RBFOX1: variants seen among roughly 807,000 people sequenced by gnomAD.
RBFOX1 encodes RNA binding protein fox-1 homolog 1.
A neutral mutation model predicts 57.7 loss-of-function variants in RBFOX1; 8 were observed. The ratio of observed to expected loss-of-function variants is 0.14; its 90% CI spans 0.08 to 0.25. RBFOX1 has a LOEUF of 0.25. Ranked by LOEUF, RBFOX1 falls within the 10% of genes least tolerant of loss-of-function variation. The pLI is 1.00. For synonymous variants in RBFOX1, 326 were observed against 222.4 expected, an observed-to-expected ratio of 1.47 and a Z score of -4.15; for missense variants, 611 against 548.5, an observed-to-expected ratio of 1.11 and a Z score of -1.14.
chr16:6,669,237 A>C (rs747814444), intron 3 of RBFOX1, among the ~76,000 whole-genome samples: 1 of 152,332 alleles, frequency 6.6e-6, no homozygotes, highest in African/African-American at 2.4e-5. Context: ...ACAGAATTCA[A>C]GGGTGGGGTG....
intron 4 of RBFOX1, among the ~76,000 whole-genome samples, chr16:7,198,460 A>G (rs1234541381): frequency 6.6e-6 from 1 of 152,244 alleles, no homozygotes; most frequent in Non-Finnish European, 1.5e-5. Flanking sequence ...TCCATTGCAA[A>G]AGAGATAAAA....
intron 15 of RBFOX1, chr16:7,710,055 CAT>C (rs1417070437): frequency 1.0e-6 from 1 of 1,001,504 alleles, no homozygotes; most frequent in Non-Finnish European, 1.2e-6. Flanking sequence ...GAAGCTCAGT[CAT>C]AGAAATTCAG....
chr16:6,533,872 G>C (rs1410972277), intron 2 of RBFOX1, among the ~76,000 whole-genome samples: 1 of 152,026 alleles, frequency 6.6e-6, no homozygotes, highest in Non-Finnish European at 1.5e-5. Flanking sequence ...AGAGAAGTTT[G>C]ACAGACTTCC....
At chr16:6,616,129 T>C (rs181031268) in intron 2 of RBFOX1, among the ~76,000 whole-genome samples, 74 of 152,328 alleles carry the variant, frequency 4.9e-4, no homozygotes, top group African/African-American at 1.7e-3. Context: ...TTATAGGAAG[T>C]GTCAGGCCTT....
chr16:5,856,284 TACAC>T (rs57736862), intron 3 of RBFOX1, among the ~76,000 whole-genome samples: 9,760 of 86,208 alleles, frequency 0.11, 1,452 homozygotes, highest in Middle Eastern at 0.2. Flanking sequence ...CACATATATA[TACAC>T]ACACACACAC....
At chr16:5,240,126 G>A (rs1465726131) in intron 1 of RBFOX1, 9 of 1,459,598 alleles carry the variant, frequency 6.2e-6, no homozygotes, top group Non-Finnish European at 8.3e-6. Flanking sequence ...CGGGCGCGGG[G>A]GTCCGGGGGT....
intron 4 of RBFOX1, among the ~76,000 whole-genome samples, chr16:7,280,915 C>T (rs2095527746): frequency 1.3e-5 from 2 of 151,410 alleles, no homozygotes; most frequent in African/African-American, 2.4e-5. Context: ...ATGGCAGCTA[C>T]TCTGGGCCTC....
intron 3 of RBFOX1, among the ~76,000 whole-genome samples, chr16:5,848,197 C>G (rs1239873056): frequency 1.3e-5 from 2 of 152,138 alleles, no homozygotes; most frequent in African/African-American, 2.4e-5. Flanking sequence ...CCTGACACCA[C>G]TAGACTATAT....
intron 4 of RBFOX1, among the ~76,000 whole-genome samples, chr16:7,435,934 G>T (rs1335189598): frequency 6.6e-6 from 1 of 152,184 alleles, no homozygotes; most frequent in Non-Finnish European, 1.5e-5. Context: ...GTTGAAGTAC[G>T]TCAACATTAC....
chr16:7,282,727 C>G (rs930329822), intron 4 of RBFOX1, among the ~76,000 whole-genome samples: 4 of 152,160 alleles, frequency 2.6e-5, no homozygotes, highest in African/African-American at 9.7e-5. Flanking sequence ...TACCCCTCAC[C>G]TCCTTCCCAC....
At chr16:7,474,298 AAAAC>A (rs375402876) in intron 4 of RBFOX1, among the ~76,000 whole-genome samples, 173 of 152,288 alleles carry the variant, frequency 1.1e-3, no homozygotes, top group East Asian at 2.7e-3. Context: ...TGAAAAACAG[AAAAC>A]AAACAAACAA....
At chr16:6,892,841 G>A (rs1278028656) in intron 3 of RBFOX1, among the ~76,000 whole-genome samples, 2 of 135,336 alleles carry the variant, frequency 1.5e-5, no homozygotes, top group Non-Finnish European at 3.1e-5. Flanking sequence ...CTGCTTCAGG[G>A]TGTTCTGTGC....
chr16:6,609,343 C>A (rs2098002359), intron 2 of RBFOX1, among the ~76,000 whole-genome samples: 1 of 151,922 alleles, frequency 6.6e-6, no homozygotes, highest in African/African-American at 2.4e-5. Flanking sequence ...TCTTTTTTCT[C>A]TTTTTTATTT....
Position 7,638,618 on chromosome 16 carries a change from A to G in RBFOX1, c.757+7935A>G, listed in dbSNP as rs116797844. ...CCAGGGCTTAGCAAAATTATTCTGT[A>G]AAAGGCTGGATGTTATTAATATTTT... On this transcript the variant is annotated intron_variant, in intron 11 of 15. Transcript: ENST00000550418. Among the ~76,000 whole-genome samples the G allele has an allele frequency of 4.4e-3, 676 of 152,052 alleles. 5 individuals carry two copies. Among genetic ancestry groups the G allele is most frequent in the African/African-American group, 0.016 (647 of 41,550 alleles).
chr16:6,262,397 G>C (rs1464898512), intron 1 of RBFOX1, among the ~76,000 whole-genome samples: 1 of 152,106 alleles, frequency 6.6e-6, no homozygotes, highest in African/African-American at 2.4e-5. Flanking sequence ...TGGCGGTGGG[G>C]GGTGGTGAGT....
intron 1 of RBFOX1, among the ~76,000 whole-genome samples, chr16:6,176,811 C>G (rs2097014545): frequency 1.3e-5 from 2 of 151,848 alleles, no homozygotes; most frequent in African/African-American, 4.8e-5. Context: ...CTTTTGGGTA[C>G]ATGTGTCCTT....
intron 2 of RBFOX1, among the ~76,000 whole-genome samples, chr16:5,487,038 C>A (rs561626070): frequency 5.3e-5 from 8 of 152,278 alleles, no homozygotes; most frequent in East Asian, 1.9e-4. Flanking sequence ...TAACTTCTCC[C>A]TGTTTCATCA....
intron 3 of RBFOX1, among the ~76,000 whole-genome samples, chr16:5,796,198 C>A (rs919094579): frequency 6.6e-6 from 1 of 152,168 alleles, no homozygotes; most frequent in African/African-American, 2.4e-5. Flanking sequence ...GTGGATCCAC[C>A]CACTTCTGAG....
At position 6,777,576 on chromosome 16, in the gene RBFOX1, A is replaced by C. The variant is rs144448767; in HGVS notation, c.-16+122926A>C. 5.5e-3 allele frequency among the ~76,000 whole-genome samples: 837 copies of C among 152,260 alleles called. 11 individuals are homozygous for C. Among genetic ancestry groups the C allele is most frequent in the African/African-American group, 0.019 (789 of 41,526 alleles). ...TGCAGGCCTGTTTGCAATTCCTGTC[A>C]GATTAGGGGGGAAAGAAAGAGAACA... On this transcript the variant is annotated intron_variant, in intron 3 of 15. Transcript: ENST00000550418.
Sources: allele counts gnomAD v4.1 joint callset (sites outside exome capture counted in the v4.1 genomes callset), GRCh38; gene constraint gnomAD v4.1.1; transcripts MANE v1.5; gene names NCBI Gene and HGNC (gene_info 2026-07-23, HGNC 2026-07-21).